The following GABRA1 variants were observed in gnomAD, a reference collection of about 807,000 sequenced individuals.
GABRA1 encodes the protein gamma-aminobutyric acid receptor subunit alpha-1.
In GABRA1, 9 loss-of-function variants were observed where a neutral mutation model predicts 48.9. The observed-to-expected ratio is 0.18, with a 90% CI of 0.11 to 0.32. GABRA1 has a LOEUF of 0.32. Among genes scored for constraint, GABRA1 ranks in the 10% least tolerant of loss-of-function variants. The pLI is 1.00. For missense variants in GABRA1, 285 were observed against 553.8 expected (o/e 0.51, Z 4.87); for synonymous variants, 210 against 198.7 (o/e 1.06, Z -0.48).
At position 161,897,196 on chromosome 5, in the gene GABRA1, G is replaced by T; in HGVS notation, c.1145G>T (p.Gly382Val). 1 of 1,614,032 alleles carries T rather than the reference G, an allele frequency of 6.2e-7. No homozygotes were observed. Among genetic ancestry groups the T allele is most frequent in the East Asian group, 2.2e-5 (1 of 44,868 alleles). Residue 382 changes from glycine (G) to valine (V), a missense_variant, in exon 10 of 10, where the codon GGC (glycine) becomes GTC (valine). By Grantham distance (109) the Gly-to-Val change is moderately radical. Coordinates refer to ENST00000393943, the MANE Select transcript of GABRA1 (RefSeq NM_001127644.2). ...AGCTACACCCCTAATTTGGCCAGGG[G>T]CGACCCGGGCTTAGCCACCATTGCT... is the stretch of plus-strand genomic sequence containing the variant. ...ATSYTPNLAR[G>V]DPGLATIAKS...
At chr5:161,854,505 A>G (rs2113308477) in intron 3 of GABRA1, among the ~76,000 whole-genome samples, 1 of 151,870 alleles carries the variant, frequency 6.6e-6, no homozygotes, top group Middle Eastern at 3.4e-3. Context: ...TGCTACATTT[A>G]TATGATAAGC....
intron 4 of GABRA1, among the ~76,000 whole-genome samples, chr5:161,867,662 G>A (rs1753929373): frequency 6.6e-6 from 1 of 151,948 alleles, no homozygotes; most frequent in South Asian, 2.1e-4. Flanking sequence ...TTACCTCTGA[G>A]CTCCTTATCA....
chr5:161,868,047 T>TA (rs147334626), intron 4 of GABRA1, among the ~76,000 whole-genome samples: 1,917 of 150,172 alleles, frequency 0.013, 25 homozygotes, highest in Middle Eastern at 0.017. Flanking sequence ...CCTATAATAT[T>TA]AAAAAAAAAA....
intron 6 of GABRA1, among the ~76,000 whole-genome samples, chr5:161,877,630 G>A (rs553996759): frequency 1.3e-5 from 2 of 152,254 alleles, no homozygotes; most frequent in South Asian, 2.1e-4. Flanking sequence ...TTAATCAAAT[G>A]TCTCACATTG....
chr5:161,859,348 C>A (rs906995790), intron 3 of GABRA1, among the ~76,000 whole-genome samples: 1 of 151,612 alleles, frequency 6.6e-6, no homozygotes, highest in African/African-American at 2.4e-5. Context: ...GAGATCTCAG[C>A]TTTAAGATGT....
At chr5:161,862,598 C>G (rs1227538512) in intron 3 of GABRA1, among the ~76,000 whole-genome samples, 1 of 151,866 alleles carries the variant, frequency 6.6e-6, no homozygotes, top group African/African-American at 2.4e-5. Flanking sequence ...ATCCCCTAAT[C>G]GACCTAAAAT....
intron 2 of GABRA1, among the ~76,000 whole-genome samples, chr5:161,852,350 T>A (rs1757477727): frequency 6.6e-6 from 1 of 152,174 alleles, no homozygotes; most frequent in South Asian, 2.1e-4. Context: ...TTTTAATAAT[T>A]TAAGTTTATT....
intron 4 of GABRA1, 70 bp downstream of exon 4, chr5:161,865,858 A>C: frequency 7.4e-7 from 1 of 1,346,432 alleles, no homozygotes; most frequent in Non-Finnish European, 1.1e-6. Flanking sequence ...GAAAAATATA[A>C]ACTAAGTTCT....
intron 5 of GABRA1, 29 bp downstream of exon 5, chr5:161,873,366 A>C (rs1754207511): frequency 6.5e-7 from 1 of 1,533,952 alleles, no homozygotes; most frequent in Non-Finnish European, 9.0e-7. Flanking sequence ...CCATTCATGA[A>C]TGTTTCTGTA....
rs1755472569 is a variant in GABRA1 at position 161,898,450 on chromosome 5, T to G, written c.*1028T>G. On this transcript the variant is annotated 3_prime_UTR_variant, in exon 10 of 10. Transcript: ENST00000393943. Reference sequence around the variant, plus strand: ...AAATATACAGCATGAGATTGTACATTTTTTACTTTTTTAAAATTGTGTTCT... The same window carrying G: ...AAATATACAGCATGAGATTGTACATGTTTTACTTTTTTAAAATTGTGTTCT... 1.3e-5 allele frequency: 2 copies of G among 152,540 alleles called. No homozygotes were observed. The highest frequency in any genetic ancestry group is 4.1e-4 in the South Asian group (2 of 4,832). The allele number at this position is 152,540 out of a possible 1,614,324, so 9.4% of individuals were successfully genotyped here.
In GABRA1 at chr5:161,895,854, G is replaced by A. The variant is rs1755340949; in HGVS notation, c.1045G>A (p.Val349Met). The change falls in exon 9 of 10, where the codon GTG becomes ATG. Residue 349 changes from valine to methionine, a missense_variant. By Grantham distance (21) the Val-to-Met change is conservative. This residue lies in a region of GABRA1 where 99 missense variants were observed against 94.2 expected (regional missense o/e 1.05). Coordinates refer to ENST00000393943, the MANE Select transcript of GABRA1 (RefSeq NM_001127644.2). The part of the protein sequence containing the change: ...KRGYAWDGKS[V>M]VPEKPKKVKD... ...AGGTTATGCATGGGATGGCAAAAGT[G>A]TGGTTCCAGAAAAGGTAAATGCTTT... 7 of 1,613,722 alleles carry A rather than the reference G, an allele frequency of 4.3e-6. No individual in the cohort carries two copies. The highest frequency in any genetic ancestry group is 5.9e-6 in the Non-Finnish European group (7 of 1,179,772).
rs1266333275 is a variant in GABRA1, at chr5:161,877,171, C to T, written c.559+1529C>T. 2.0e-5 allele frequency among the ~76,000 whole-genome samples: 3 copies of T among 152,266 alleles called. No individual in the cohort carries two copies. In the East Asian group the frequency reaches 5.8e-4, roughly 29 times the overall value. On this transcript the variant is annotated intron_variant, in intron 6 of 9. Coordinates refer to ENST00000393943, the MANE Select transcript of GABRA1 (RefSeq NM_001127644.2). The stretch of plus-strand genomic sequence containing the variant: ...ATGTTGCCCAGTCTGTCTCACACTC[C>T]TGGTCTCAAGTAAACCTTCCACCTT...
intron 3 of GABRA1, among the ~76,000 whole-genome samples, chr5:161,863,464 A>G (rs1757936060): frequency 6.6e-6 from 1 of 151,928 alleles, no homozygotes; most frequent in Non-Finnish European, 1.5e-5. Context: ...AGTGAGAGAG[A>G]GAGCCACACA....
intron 6 of GABRA1, among the ~76,000 whole-genome samples, chr5:161,881,238 T>C (rs1044859802): frequency 2.0e-5 from 3 of 152,176 alleles, no homozygotes; most frequent in Non-Finnish European, 1.5e-5. Flanking sequence ...GCTTGCTTTT[T>C]CTAAAGTGAT....
intron 4 of GABRA1, 73 bp downstream of exon 4, chr5:161,865,861 T>C (rs942199652): frequency 2.3e-6 from 3 of 1,325,030 alleles, no homozygotes; most frequent in Admixed American, 3.4e-5. Flanking sequence ...AAATATAAAC[T>C]AAGTTCTTAG....
Position 161,855,856 on chromosome 5 carries a change from T to A in GABRA1, c.187+1586T>A, listed in dbSNP as rs182482107. The stretch of plus-strand genomic sequence containing the variant: ...AAAGTCAGCAGAATTTTACAACATA[T>A]TTAAAAAATTTCTCTTCATCCTAGT... On this transcript the variant is annotated intron_variant, in intron 3 of 9. Transcript: ENST00000393943. Among the ~76,000 whole-genome samples the A allele has an allele frequency of 2.0e-4, 30 of 151,522 alleles. No homozygotes were observed. The East Asian group carries it at 3.7e-3, about 19-fold the overall frequency.
At chr5:161,848,976 G>T (rs570914023) in intron 1 of GABRA1, 1 of 455,542 alleles carries the variant, frequency 2.2e-6, no homozygotes, top group Non-Finnish European at 4.4e-6. Context: ...TTGTGTAGGG[G>T]TCTCTCCCAT....
intron 7 of GABRA1, among the ~76,000 whole-genome samples, chr5:161,886,977 G>C (rs1754877163): frequency 6.6e-6 from 1 of 151,832 alleles, no homozygotes. Flanking sequence ...AGTGACTTAA[G>C]GCCATGAAAT....
chr5:161,850,706 C>G (rs1757408139), intron 1 of GABRA1, 90 bp from the exon 2 acceptor site: 1 of 1,020,558 alleles, frequency 9.8e-7, no homozygotes, highest in Admixed American at 1.7e-5. Flanking sequence ...GACTTCAAAG[C>G]ATTCATCTAA....
Sources: gnomAD v4.1 joint callset for allele counts (sites outside exome capture counted in the v4.1 genomes callset) on GRCh38, gnomAD v4.1.1 for gene constraint, gnomAD v4.1.1 regional missense constraint, MANE v1.5 for transcripts, NCBI Gene and HGNC (gene_info 2026-07-23, HGNC 2026-07-21) for gene names.